The following SPATA31H1 variants were observed in gnomAD, a reference collection of about 807,000 sequenced individuals.
SPATA31H1 encodes the protein spermatogenesis-associated protein 31H1.
chr2:27,577,752 G>A, the SPATA31H1 span: 1 of 1,614,104 alleles, frequency 6.2e-7, no homozygotes, highest in African/African-American at 1.3e-5. This position sits in a 1 kb window ranked among gnomAD's most constrained non-coding sequence, Gnocchi z 4.5. Flanking sequence ...GATAATATCA[G>A]GGTTAGGACA....
At chr2:27,575,010 A>T in the SPATA31H1 span, 2 of 398,458 alleles carry the variant, frequency 5.0e-6, no homozygotes, top group African/African-American at 4.1e-5. This position sits in a 1 kb window ranked among gnomAD's most constrained non-coding sequence, Gnocchi z 4.1. Context: ...ACAGGATAGG[A>T]CATCTTTGGA....
At chr2:27,542,311 C>T in the SPATA31H1 span, among the ~76,000 whole-genome samples, 8 of 151,714 alleles carry the variant, frequency 5.3e-5, no homozygotes, top group Non-Finnish European at 1.2e-4. Context: ...GCAGGAGAAT[C>T]GCTTGAACCT....
At chr2:27,565,958 C>T in the SPATA31H1 span, 1 of 708,050 alleles carries the variant, frequency 1.4e-6, no homozygotes, top group Non-Finnish European at 2.6e-6. Context: ...TCTTTGTTTC[C>T]TTATTTGCAA....
the SPATA31H1 span, among the ~76,000 whole-genome samples, chr2:27,546,292 C>T: frequency 2.0e-5 from 3 of 151,892 alleles, no homozygotes; most frequent in Non-Finnish European, 4.4e-5. Context: ...ATGAAGATAC[C>T]CTTCTATATT....
At chr2:27,549,483 A>C in the SPATA31H1 span, among the ~76,000 whole-genome samples, 1 of 151,636 alleles carries the variant, frequency 6.6e-6, no homozygotes, top group African/African-American at 2.4e-5. Context: ...GACTACAGGA[A>C]TGTGTCACCA....
the SPATA31H1 span, chr2:27,575,748 A>G: frequency 2.3e-5 from 9 of 398,368 alleles, no homozygotes; most frequent in East Asian, 1.1e-4. The surrounding 1 kb of genome is among the most constrained non-coding windows in gnomAD (Gnocchi z 4.1). Context: ...ACTTCAGTGT[A>G]TAAGTTCTAA....
chr2:27,572,932 C>T, the SPATA31H1 span: 12 of 397,906 alleles, frequency 3.0e-5, no homozygotes, highest in Admixed American at 8.8e-5. Context: ...ATTCCAGCAT[C>T]GACCTCAGAG....
chr2:27,579,699 C>A, the SPATA31H1 span: 3 of 1,614,070 alleles, frequency 1.9e-6, no homozygotes, highest in African/African-American at 1.3e-5. Flanking sequence ...TAGAGAAGAT[C>A]TTGTTCCAAT....
At chr2:27,541,424 G>C in the SPATA31H1 span, among the ~76,000 whole-genome samples, 1 of 151,698 alleles carries the variant, frequency 6.6e-6, no homozygotes, top group Non-Finnish European at 1.5e-5. Flanking sequence ...GAGGGGAGAG[G>C]GGAGAGGGAG....
the SPATA31H1 span, chr2:27,569,325 C>T: frequency 2.5e-6 from 1 of 398,754 alleles, no homozygotes; most frequent in Non-Finnish European, 4.4e-6. Flanking sequence ...GTCAGAGATA[C>T]CCCCCATGTC....
At chr2:27,550,411 AT>A in the SPATA31H1 span, among the ~76,000 whole-genome samples, 1,661 of 94,588 alleles carry the variant, frequency 0.018, 16 homozygotes, top group African/African-American at 0.066. Context: ...TGGGTGTTAA[AT>A]TTTTTTTTTT....
At chr2:27,567,054 A>T in the SPATA31H1 span, 4 of 717,344 alleles carry the variant, frequency 5.6e-6, no homozygotes, top group African/African-American at 7.0e-5. Flanking sequence ...GAAATCAAAA[A>T]TTTTTCAGAA....
chr2:27,573,563 A>G, the SPATA31H1 span: 1 of 398,542 alleles, frequency 2.5e-6, no homozygotes. Flanking sequence ...TTGCTTTGAA[A>G]TCTGGGCTAC....
chr2:27,539,597 T>C, the SPATA31H1 span, among the ~76,000 whole-genome samples: 1 of 112,704 alleles, frequency 8.9e-6, no homozygotes, highest in Non-Finnish European at 1.8e-5. Context: ...AAAACCGCCA[T>C]TGTCATCATG....
the SPATA31H1 span, among the ~76,000 whole-genome samples, chr2:27,547,560 C>T: frequency 6.6e-6 from 1 of 151,954 alleles, no homozygotes; most frequent in Non-Finnish European, 1.5e-5. Context: ...TTAATTGTCA[C>T]ACAAAACATG....
the SPATA31H1 span, among the ~76,000 whole-genome samples, chr2:27,544,983 C>T: frequency 6.6e-6 from 1 of 151,400 alleles, no homozygotes; most frequent in Non-Finnish European, 1.5e-5. Context: ...GCTCTGTGAT[C>T]TTATATTTGG....
chr2:27,549,213 C>A, the SPATA31H1 span, among the ~76,000 whole-genome samples: 2 of 151,354 alleles, frequency 1.3e-5, no homozygotes, highest in Non-Finnish European at 2.9e-5. Flanking sequence ...GAAGTTGGAT[C>A]TAAGACTTAT....
At chr2:27,582,609 C>A in the SPATA31H1 span, 3 of 1,369,412 alleles carry the variant, frequency 2.2e-6, no homozygotes, top group Non-Finnish European at 3.0e-6. Flanking sequence ...TCAGCCACTG[C>A]CTCCAATTCC....
the SPATA31H1 span, among the ~76,000 whole-genome samples, chr2:27,552,627 T>A: frequency 6.6e-6 from 1 of 152,008 alleles, no homozygotes; most frequent in African/African-American, 2.4e-5. Context: ...TAAAAAAGGC[T>A]ATTGGGATTT....
Sources: gnomAD v4.1 joint callset for allele counts (sites outside exome capture counted in the v4.1 genomes callset) on GRCh38, gnomAD v4.1.1 for gene constraint, Gnocchi (gnomAD v3.1) non-coding constraint, MANE v1.5 for transcripts, NCBI Gene and HGNC (gene_info 2026-07-23, HGNC 2026-07-21) for gene names.